The following MAP2K6 variants were observed in gnomAD, a reference collection of about 807,000 sequenced individuals.
MAP2K6 encodes mitogen-activated protein kinase kinase 6.
MAP2K6 carries 16 observed loss-of-function variants against 53.7 expected under a neutral mutation model. The observed-to-expected ratio is 0.30, with a 90% CI of 0.20 to 0.45. The LOEUF (loss-of-function observed/expected upper bound fraction) is 0.45, where lower values mean the gene tolerates loss of function less well. MAP2K6 is among the 20% of genes least tolerant of loss of function. MAP2K6 has a pLI of 1.00. For missense variants in MAP2K6, 204 were observed against 411.9 expected, an observed-to-expected ratio of 0.50 and a Z score of 4.37; for synonymous variants, 132 against 143.1, an observed-to-expected ratio of 0.92 and a Z score of 0.55.
At chr17:69,415,273 A>G (rs1288905429) in intron 1 of MAP2K6, among the ~76,000 whole-genome samples, 1 of 152,180 alleles carries the variant, frequency 6.6e-6, no homozygotes, top group East Asian at 1.9e-4. Flanking sequence ...GGAGAGACAG[A>G]GCAGGTTGGT....
At chr17:69,478,934 CAG>C in intron 1 of MAP2K6, among the ~76,000 whole-genome samples, 1 of 152,100 alleles carries the variant, frequency 6.6e-6, no homozygotes, top group East Asian at 1.9e-4. Context: ...TGAGCTAGCA[CAG>C]GGGCGAACTT....
intron 1 of MAP2K6, among the ~76,000 whole-genome samples, chr17:69,454,338 G>A (rs1351005619): frequency 6.6e-6 from 1 of 152,124 alleles, no homozygotes; most frequent in Non-Finnish European, 1.5e-5. Flanking sequence ...TGTCCGGAGG[G>A]CATAGCCTTC....
chr17:69,486,262 CTTTG>C (rs1477924486), intron 1 of MAP2K6, among the ~76,000 whole-genome samples: 1 of 152,122 alleles, frequency 6.6e-6, no homozygotes. Context: ...TGGTGTCCCA[CTTTG>C]TTTGTTTATA....
chr17:69,424,282 T>A (rs1180548442), intron 1 of MAP2K6, among the ~76,000 whole-genome samples: 1 of 152,102 alleles, frequency 6.6e-6, no homozygotes, highest in Non-Finnish European at 1.5e-5. Flanking sequence ...ACAGAGGAGC[T>A]TTGGTAGAAT....
At chr17:69,536,191 A>G (rs761907961) in intron 11 of MAP2K6, 31 bp downstream of exon 11, 2 of 1,569,320 alleles carry the variant, frequency 1.3e-6, no homozygotes, top group East Asian at 2.2e-5. Context: ...AAACATGACT[A>G]TACTGATAGC....
At chr17:69,454,144 G>A (rs1423147342) in intron 1 of MAP2K6, among the ~76,000 whole-genome samples, 1 of 152,208 alleles carries the variant, frequency 6.6e-6, no homozygotes, top group African/African-American at 2.4e-5. Flanking sequence ...AGCAATAAAA[G>A]AAATATCAGG....
At chr17:69,442,563 T>A (rs1274305992) in intron 1 of MAP2K6, among the ~76,000 whole-genome samples, 2 of 152,240 alleles carry the variant, frequency 1.3e-5, no homozygotes, top group African/African-American at 4.8e-5. Context: ...CATTAAATCA[T>A]CTGGTTTCTT....
intron 10 of MAP2K6, among the ~76,000 whole-genome samples, chr17:69,529,500 T>G (rs1910963491): frequency 1.4e-5 from 2 of 143,230 alleles, no homozygotes; most frequent in African/African-American, 5.3e-5. Context: ...ATAAATGGTT[T>G]TTAATTTTTT....
chr17:69,476,148 G>A (rs1193787184), intron 1 of MAP2K6, among the ~76,000 whole-genome samples: 3 of 152,064 alleles, frequency 2.0e-5, no homozygotes, highest in East Asian at 3.8e-4. Context: ...GTATGTATGT[G>A]TATATTTATA....
intron 1 of MAP2K6, among the ~76,000 whole-genome samples, chr17:69,497,819 G>C (rs1048257246): frequency 1.3e-5 from 2 of 151,992 alleles, no homozygotes; most frequent in Non-Finnish European, 2.9e-5. Context: ...CCCACCCATG[G>C]TCTTTTTAAA....
intron 1 of MAP2K6, among the ~76,000 whole-genome samples, chr17:69,496,632 G>T (rs1413636976): frequency 6.6e-6 from 1 of 152,128 alleles, no homozygotes; most frequent in Admixed American, 6.5e-5. Flanking sequence ...GCCTCCCAAA[G>T]TGCTGGGATT....
chr17:69,441,831 C>T (rs983088014), intron 1 of MAP2K6, among the ~76,000 whole-genome samples: 1 of 152,118 alleles, frequency 6.6e-6, no homozygotes, highest in Non-Finnish European at 1.5e-5. Context: ...AGATTCTCCA[C>T]GGGGCCTCTG....
intron 1 of MAP2K6, among the ~76,000 whole-genome samples, chr17:69,496,222 G>A (rs962497244): frequency 2.7e-5 from 4 of 150,922 alleles, no homozygotes; most frequent in Non-Finnish European, 1.5e-5. Context: ...AATTCTTTGT[G>A]TCCTTCACCG....
At position 69,548,526 on chromosome 17, in the gene MAP2K6, G is replaced by A. The variant is rs1362005152; in HGVS notation, c.*6773G>A. On this transcript the variant is annotated 3_prime_UTR_variant, in exon 12 of 12. Transcript: ENST00000590474. ...ATTCTTTTTCCTGCTGCACCATTAG[G>A]CAAACATACATTATGCTTAGAATGA... 1 of 152,002 alleles carries A rather than the reference G, an allele frequency of 6.6e-6. No individual in the cohort carries two copies. Among genetic ancestry groups the A allele is most frequent in the African/African-American group, 2.4e-5 (1 of 41,366 alleles). 9.4% of individuals were successfully genotyped at this position (152,002 alleles called of 1,614,324 possible).
rs969371096 is a variant in MAP2K6, at chr17:69,529,616, T to C, written c.881+2907T>C. On this transcript the variant is annotated intron_variant, in intron 10 of 11. Coordinates refer to ENST00000590474, the MANE Select transcript of MAP2K6 (RefSeq NM_002758.4). ...AGCTCCGCCTCCTGGGTTCACGCCA[T>C]TCTCCTGCCTCAGCCTCCTGAGTAG... 1.9e-3 allele frequency among the ~76,000 whole-genome samples: 285 copies of C among 150,752 alleles called. 2 individuals are homozygous for C. Among genetic ancestry groups the C allele is most frequent in the Non-Finnish European group, 7.5e-4 (51 of 67,772 alleles).
intron 1 of MAP2K6, among the ~76,000 whole-genome samples, chr17:69,478,610 T>C (rs1395215008): frequency 6.6e-6 from 1 of 152,122 alleles, no homozygotes; most frequent in East Asian, 1.9e-4. Flanking sequence ...TTTTTTGTAT[T>C]TTTAGCAGAG....
chr17:69,422,463 A>G (rs1262144235), intron 1 of MAP2K6, among the ~76,000 whole-genome samples: 1 of 152,128 alleles, frequency 6.6e-6, no homozygotes, highest in African/African-American at 2.4e-5. Context: ...CTCCAGTCTG[A>G]GTTGAAGCAT....
At chr17:69,423,953 C>A (rs531465507) in intron 1 of MAP2K6, among the ~76,000 whole-genome samples, 60 of 152,212 alleles carry the variant, frequency 3.9e-4, no homozygotes, top group African/African-American at 1.4e-3. Context: ...CGTAAGAAAT[C>A]AAAAATAACT....
chr17:69,461,555 A>G (rs1052724507), intron 1 of MAP2K6, among the ~76,000 whole-genome samples: 1 of 152,160 alleles, frequency 6.6e-6, no homozygotes, highest in Non-Finnish European at 1.5e-5. Flanking sequence ...CTGACTGTTT[A>G]TGGTGCCTGA....
Sources: gnomAD v4.1 joint callset for allele counts (sites outside exome capture counted in the v4.1 genomes callset) on GRCh38, gnomAD v4.1.1 for gene constraint, MANE v1.5 for transcripts, NCBI Gene and HGNC (gene_info 2026-07-23, HGNC 2026-07-21) for gene names.